C1orf21: variants seen among roughly 807,000 people sequenced by gnomAD.
C1orf21 encodes uncharacterized protein C1orf21.
In C1orf21, 3 loss-of-function variants were observed where a neutral mutation model predicts 18.7. The observed-to-expected ratio is 0.16, with a 90% CI of 0.07 to 0.42. C1orf21 has a LOEUF of 0.42. Ranked by LOEUF, C1orf21 falls within the 10% of genes least tolerant of loss-of-function variation. The pLI, the probability that C1orf21 is intolerant of heterozygous loss-of-function variation, is 0.99. For synonymous variants in C1orf21, 41 were observed against 46.4 expected (o/e 0.88, Z 0.47); for missense variants, 104 against 143.6 (o/e 0.72, Z 1.41).
chr1:184,401,138 T>C (rs1656143820), intron 1 of C1orf21, among the ~76,000 whole-genome samples: 2 of 152,194 alleles, frequency 1.3e-5, no homozygotes. Context: ...GGGGTTTGCA[T>C]TTCTTTTTCT....
intron 3 of C1orf21, among the ~76,000 whole-genome samples, chr1:184,588,449 T>G (rs116321842): frequency 6.6e-6 from 1 of 152,114 alleles, no homozygotes; most frequent in Non-Finnish European, 1.5e-5. Context: ...CCTAAAAAGT[T>G]TGAGAAATGC....
At chr1:184,459,896 C>A (rs1657276140) in intron 1 of C1orf21, among the ~76,000 whole-genome samples, 1 of 152,176 alleles carries the variant, frequency 6.6e-6, no homozygotes, top group Non-Finnish European at 1.5e-5. Flanking sequence ...CATCCATGCA[C>A]TTTGCTTCCA....
At chr1:184,542,686 G>A (rs915414335) in intron 3 of C1orf21, 13 of 152,188 alleles carry the variant, frequency 8.5e-5, no homozygotes, top group African/African-American at 1.2e-4. Flanking sequence ...GTGCTTATAC[G>A]TAGATGAGTT....
At chr1:184,433,606 A>C (rs1403273341) in intron 1 of C1orf21, among the ~76,000 whole-genome samples, 2 of 152,182 alleles carry the variant, frequency 1.3e-5, no homozygotes, top group Admixed American at 1.3e-4. Context: ...TGTAATTAAA[A>C]ATTTTTTAGT....
intron 2 of C1orf21, among the ~76,000 whole-genome samples, chr1:184,482,962 G>T (rs1657679042): frequency 6.6e-6 from 1 of 152,168 alleles, no homozygotes; most frequent in South Asian, 2.1e-4. Flanking sequence ...AATGCTAAAT[G>T]GGCATCTTGA....
In C1orf21 at chr1:184,432,311, G is replaced by A. The variant is rs532072181; in HGVS notation, c.-125+44943G>A. Among the ~76,000 whole-genome samples, 15 of 152,320 alleles carry A rather than the reference G, an allele frequency of 9.8e-5. No homozygotes were observed. In the East Asian group the frequency reaches 1.2e-3, roughly 12 times the overall value. ...TGATAGACTGGATAAAGAAAATGTGGCACATATACATGGAATACTATGCAA... is the reference window on the plus strand; with the variant it reads ...TGATAGACTGGATAAAGAAAATGTGACACATATACATGGAATACTATGCAA... On this transcript the variant is annotated intron_variant, in intron 1 of 5. Transcript: ENST00000235307.
chr1:184,513,444 T>C (rs1658179918), intron 3 of C1orf21, among the ~76,000 whole-genome samples: 1 of 152,206 alleles, frequency 6.6e-6, no homozygotes, highest in Non-Finnish European at 1.5e-5. Flanking sequence ...AATAGATAAA[T>C]GAACAGATGG....
rs555991082 is a variant in C1orf21 at position 184,492,643 on chromosome 1, G to T, written c.95-14945G>T. Among the ~76,000 whole-genome samples the T allele has an allele frequency of 3.3e-5, 5 of 152,302 alleles. No homozygotes were observed. The East Asian group carries it at 9.6e-4, about 29-fold the overall frequency. ...TTACCATGAGCCTGAAGGTGAGAAAGCTTGAAGTGTGTGGAGTTGTATCTC... is the reference window on the plus strand; with the variant it reads ...TTACCATGAGCCTGAAGGTGAGAAATCTTGAAGTGTGTGGAGTTGTATCTC... On this transcript the variant is annotated intron_variant, in intron 2 of 5. Coordinates refer to ENST00000235307, the MANE Select transcript of C1orf21 (RefSeq NM_030806.4).
rs1394967423 is a variant in C1orf21, at chr1:184,430,365, T to G, written c.-125+42997T>G. 2.0e-5 allele frequency among the ~76,000 whole-genome samples: 3 copies of G among 152,128 alleles called. No homozygotes were observed. The East Asian group carries it at 5.8e-4, about 29-fold the overall frequency. On this transcript the variant is annotated intron_variant, in intron 1 of 5. Transcript: ENST00000235307. The stretch of plus-strand genomic sequence containing the variant: ...CTGAGCCCCTCCTCAGATATGAGGA[T>G]TGTGATTTCAAACAGCACAGTTTAC...
intron 3 of C1orf21, among the ~76,000 whole-genome samples, chr1:184,533,836 A>G (rs1287827706): frequency 1.3e-5 from 2 of 152,242 alleles, no homozygotes; most frequent in East Asian, 3.9e-4. Flanking sequence ...GTGACGGAGC[A>G]TTTTCTTCAA....
At chr1:184,603,952 A>C (rs1173811694) in intron 5 of C1orf21, among the ~76,000 whole-genome samples, 1 of 152,192 alleles carries the variant, frequency 6.6e-6, no homozygotes, top group East Asian at 1.9e-4. Context: ...GGTCATGGTA[A>C]ATCTGCATTC....
chr1:184,389,172 A>G (rs554727257), intron 1 of C1orf21, among the ~76,000 whole-genome samples: 1 of 151,720 alleles, frequency 6.6e-6, no homozygotes, highest in Non-Finnish European at 1.5e-5. Context: ...AACCTGCTTC[A>G]GAGAACAGTC....
At chr1:184,539,298 T>C (rs1191512760) in intron 3 of C1orf21, among the ~76,000 whole-genome samples, 3 of 152,252 alleles carry the variant, frequency 2.0e-5, no homozygotes, top group African/African-American at 7.2e-5. Context: ...ATTACATTGA[T>C]TGATTTTTAT....
At chr1:184,518,422 A>C (rs1658260848) in intron 3 of C1orf21, among the ~76,000 whole-genome samples, 1 of 152,222 alleles carries the variant, frequency 6.6e-6, no homozygotes, top group Non-Finnish European at 1.5e-5. Context: ...AAACAAAGTT[A>C]TGGCACAGCA....
chr1:184,540,554 C>T (rs955578358), intron 3 of C1orf21, among the ~76,000 whole-genome samples: 5 of 152,050 alleles, frequency 3.3e-5, no homozygotes, highest in African/African-American at 7.2e-5. Context: ...CTCAGCTTTC[C>T]GAGTACCTGG....
In C1orf21 at chr1:184,626,919, G is replaced by A. The variant is rs1045885233; in HGVS notation, c.*7363G>A. 2.6e-5 allele frequency: 4 copies of A among 152,494 alleles called. No homozygotes were observed. Among genetic ancestry groups the A allele is most frequent in the South Asian group, 4.1e-4 (2 of 4,820 alleles). The allele number at this position is 152,494 out of a possible 1,614,324, so 9.4% of individuals were successfully genotyped here. Reference sequence around the variant, plus strand: ...AGAATGCACCCTAAAATAAATATACGGGAAGCAGCAGAGGGCTTCCCTGTC... The same window carrying A: ...AGAATGCACCCTAAAATAAATATACAGGAAGCAGCAGAGGGCTTCCCTGTC... On this transcript the variant is annotated 3_prime_UTR_variant, in exon 6 of 6. Transcript: ENST00000235307.
chr1:184,389,861 A>T (rs1026123463), intron 1 of C1orf21, among the ~76,000 whole-genome samples: 2 of 152,342 alleles, frequency 1.3e-5, no homozygotes, highest in East Asian at 3.9e-4. Context: ...AAGGCAGGTG[A>T]CATATTTACA....
rs2102015844 is a variant in C1orf21 at position 184,622,989 on chromosome 1, C to G, written c.*3433C>G. ...CTTTGTTATCTTCTTATAACTTTAT[C>G]CTGCTATAACTTTATCCTCTTCCCA... On this transcript the variant is annotated 3_prime_UTR_variant, in exon 6 of 6. Coordinates refer to ENST00000235307, the MANE Select transcript of C1orf21 (RefSeq NM_030806.4). The G allele has an allele frequency of 6.6e-6, 1 of 152,334 alleles. No individual in the cohort carries two copies. Among genetic ancestry groups the G allele is most frequent in the African/African-American group, 2.4e-5 (1 of 41,554 alleles). The allele number at this position is 152,334 out of a possible 1,614,324, so 9.4% of individuals were successfully genotyped here.
chr1:184,547,983 T>G (rs1279023248), intron 3 of C1orf21, among the ~76,000 whole-genome samples: 1 of 152,148 alleles, frequency 6.6e-6, no homozygotes, highest in Non-Finnish European at 1.5e-5. Context: ...AGTACCCACT[T>G]GACCATCTCC....
Sources: allele counts gnomAD v4.1 joint callset (sites outside exome capture counted in the v4.1 genomes callset), GRCh38; gene constraint gnomAD v4.1.1; transcripts MANE v1.5; gene names NCBI Gene and HGNC (gene_info 2026-07-23, HGNC 2026-07-21).